The following RRP12 variants were observed in gnomAD, a reference collection of about 807,000 sequenced individuals.
RRP12 encodes the protein ribosomal RNA processing 12 homolog.
A neutral mutation model predicts 157.3 loss-of-function variants in RRP12; 78 were observed. That is an observed-to-expected ratio of 0.50 (90% CI 0.41 to 0.60). The LOEUF (loss-of-function observed/expected upper bound fraction) is 0.60. Among genes scored for constraint, RRP12 ranks in the 20% least tolerant of loss-of-function variants. RRP12 has a pLI of 0.00. For synonymous variants in RRP12, 726 were observed against 670.9 expected (o/e 1.08, Z -1.27); for missense variants, 1,521 against 1,679.9 (o/e 0.91, Z 1.65).
intron 13 of RRP12, 126 bp from the exon 14 acceptor site, chr10:97,379,896 C>T: frequency 2.3e-6 from 2 of 862,962 alleles, no homozygotes; most frequent in Non-Finnish European, 3.3e-6. Flanking sequence ...AGGGTACAGA[C>T]TGAGAACCCA....
At chr10:97,393,628 A>C in intron 4 of RRP12, 56 bp downstream of exon 4, 1 of 1,317,386 alleles carries the variant, frequency 7.6e-7, no homozygotes. Flanking sequence ...TCCTGTCCAC[A>C]TTCCCTTCTC....
chr10:97,399,499 G>C (rs908633614), intron 2 of RRP12, among the ~76,000 whole-genome samples: 1 of 151,748 alleles, frequency 6.6e-6, no homozygotes, highest in Non-Finnish European at 1.5e-5. Flanking sequence ...ATATCATTTA[G>C]AATTTTGACA....
rs754418283 is a variant in RRP12 at position 97,400,292 on chromosome 10, C to G, written c.369+13G>C. 21 of 1,607,810 alleles carry G rather than the reference C, an allele frequency of 1.3e-5. No individual in the cohort carries two copies. Among genetic ancestry groups the G allele is most frequent in the Non-Finnish European group, 1.8e-5 (21 of 1,174,448 alleles). Reference sequence around the variant, plus strand: ...CCTCACTATCCTATGGCCCTCCCGACCCTCGCCCCTACCTCCTTGTGGGCA... The same window carrying G: ...CCTCACTATCCTATGGCCCTCCCGAGCCTCGCCCCTACCTCCTTGTGGGCA... On this transcript the variant is annotated intron_variant, in intron 2 of 33. Transcript: ENST00000370992.
Position 97,370,533 on chromosome 10 carries a change from C to A in RRP12, c.2611G>T (p.Val871Leu). 6.2e-7 allele frequency: 1 copy of A among 1,611,356 alleles called. No individual in the cohort carries two copies. ...GCAAAAGCGTTCTTCCGTGCGCCCACCGACACCTCCTTGGTGCACAGGATC... is the reference window on the plus strand; with the variant it reads ...GCAAAAGCGTTCTTCCGTGCGCCCAACGACACCTCCTTGGTGCACAGGATC... Reference protein sequence around the residue: ...EVILCTKEVSVGARKNAFALL... With the variant: ...EVILCTKEVSLGARKNAFALL... The change falls in exon 23 of 34, where the codon GTG (valine) becomes TTG (leucine). Residue 871 changes from valine (V) to leucine (L), a missense_variant. By Grantham distance (32) the Val-to-Leu change is conservative. Coordinates refer to ENST00000370992, the MANE Select transcript of RRP12 (RefSeq NM_015179.4).
At chr10:97,373,295 A>G in intron 17 of RRP12, 95 bp from the exon 18 acceptor site, 1 of 1,327,850 alleles carries the variant, frequency 7.5e-7, no homozygotes, top group Non-Finnish European at 1.0e-6. Flanking sequence ...CTCTTGGGGG[A>G]GCTGGCAGGA....
intron 25 of RRP12, 70 bp downstream of exon 25, chr10:97,369,355 A>C (rs1465301010): frequency 4.0e-6 from 6 of 1,515,282 alleles, no homozygotes; most frequent in Non-Finnish European, 5.4e-6. Context: ...CTGGCCTCGA[A>C]GCTTGCCAGG....
chr10:97,379,551 C>G, intron 14 of RRP12, 77 bp downstream of exon 14: 8 of 1,595,756 alleles, frequency 5.0e-6, no homozygotes, highest in Non-Finnish European at 6.0e-6. Flanking sequence ...AGACTTTAGC[C>G]CACAGCAGCA....
rs768106956 is a variant in RRP12, at chr10:97,360,659, AT to A, written c.3568-42del. The A allele has an allele frequency of 2.3e-5, 34 of 1,493,472 alleles. No individual in the cohort carries two copies. The African/African-American group carries it at 4.7e-4, about 21-fold the overall frequency. The allele number at this position is 1,493,472 out of a possible 1,614,324, so 92.5% of individuals were successfully genotyped here. A position where few individuals can be genotyped will look rare whatever the true frequency, so the allele number is the denominator to read the frequency against. ...AGGTGGGTAGTGAGTGAACCAGGGG[AT>A]GTGCCCACCCTCGGGAATGCCAACA... is the stretch of plus-strand genomic sequence containing the variant. On this transcript the variant is annotated intron_variant, in intron 30 of 33. Transcript: ENST00000370992.
chr10:97,357,334 C>T (rs1355005204), intron 33 of RRP12, 138 bp from the exon 34 acceptor site: 1 of 588,240 alleles, frequency 1.7e-6, no homozygotes, highest in Non-Finnish European at 3.0e-6. Flanking sequence ...ATGAACTAGG[C>T]AGACCTCACG....
At chr10:97,382,718 G>C (rs923639203) in intron 10 of RRP12, among the ~76,000 whole-genome samples, 1 of 151,740 alleles carries the variant, frequency 6.6e-6, no homozygotes, top group African/African-American at 2.4e-5. Context: ...ATATATCTTG[G>C]AGTTCTTTCC....
intron 33 of RRP12, among the ~76,000 whole-genome samples, chr10:97,358,270 T>C (rs1310818416): frequency 1.3e-5 from 2 of 151,970 alleles, no homozygotes; most frequent in East Asian, 1.9e-4. Context: ...GAGGCAGAGA[T>C]TGCAGTGAGC....
Position 97,396,292 on chromosome 10 carries a change from C to G in RRP12, c.379G>C (p.Val127Leu). Residue 127 changes from valine (V) to leucine (L), a missense_variant, in exon 3 of 34, where the codon GTT becomes CTT. By Grantham distance (32) the Val-to-Leu change is conservative. Coordinates refer to ENST00000370992, the MANE Select transcript of RRP12 (RefSeq NM_015179.4). ...ATCACCTCAGTGACAGCAGCCAGAA[C>G]AGCACAGATCTGCACAGGAGGGAGA... ...NSAAHKEICAVLAAVTEVIRS... is the reference protein window; with the variant it reads ...NSAAHKEICALLAAVTEVIRS... The G allele has an allele frequency of 6.2e-7, 1 of 1,613,610 alleles. No individual in the cohort carries two copies. Among genetic ancestry groups the G allele is most frequent in the East Asian group, 2.2e-5 (1 of 44,872 alleles).
rs755115862 is a variant in RRP12, at chr10:97,366,142, G to A, written c.3483C>T (p.Asp1161=). The change falls in exon 29 of 34, where the codon GAC becomes GAT. Residue 1161 remains aspartate (D), a synonymous_variant. Coordinates refer to ENST00000370992, the MANE Select transcript of RRP12 (RefSeq NM_015179.4). The stretch of plus-strand genomic sequence containing the variant: ...CTTCCTCTTCCTCCATCTTGTTGCC[G>A]TCTGCCTCCTCCCTTATGATCAGCC... ...DGRLIIREEA[D]GNKMEEEEGA... 58 of 1,605,760 alleles carry A rather than the reference G, an allele frequency of 3.6e-5. No homozygotes were observed. In the South Asian group the frequency reaches 4.7e-4, roughly 13 times the overall value.
intron 20 of RRP12, 36 bp downstream of exon 20, chr10:97,372,037 C>T (rs1348729077): frequency 1.2e-5 from 17 of 1,475,780 alleles, no homozygotes; most frequent in African/African-American, 4.1e-5. Context: ...TGCCCCCAAG[C>T]GTGGCTGTGT....
intron 3 of RRP12, among the ~76,000 whole-genome samples, chr10:97,394,900 T>C (rs556018454): frequency 4.5e-4 from 69 of 151,982 alleles, no homozygotes; most frequent in Middle Eastern, 3.4e-3. Context: ...CCCAGCACTT[T>C]GGGAGGCCAA....
chr10:97,392,039 C>T (rs1342045462), intron 4 of RRP12, among the ~76,000 whole-genome samples: 4 of 150,466 alleles, frequency 2.7e-5, no homozygotes, highest in Non-Finnish European at 5.9e-5. Flanking sequence ...GGGTCTCACT[C>T]GTCACCCAAG....
intron 25 of RRP12, 138 bp downstream of exon 25, chr10:97,369,286 TG>T: frequency 1.2e-6 from 1 of 849,430 alleles, no homozygotes; most frequent in Non-Finnish European, 1.8e-6. Context: ...CATTCCCCTA[TG>T]GTCCCTTTTA....
At chr10:97,393,013 G>A (rs548299262) in intron 4 of RRP12, among the ~76,000 whole-genome samples, 13 of 151,922 alleles carry the variant, frequency 8.6e-5, no homozygotes, top group African/African-American at 1.2e-4. Flanking sequence ...GATTACAGGC[G>A]TGAGCCACAG....
intron 15 of RRP12, among the ~76,000 whole-genome samples, chr10:97,376,103 AAAACAAACAAAC>A (rs111643590): frequency 6.6e-6 from 1 of 150,718 alleles, no homozygotes; most frequent in Non-Finnish European, 1.5e-5. Flanking sequence ...ACTCTGTCTC[AAAACAAACAAAC>A]AAACAAACAA....
Sources: allele counts gnomAD v4.1 joint callset (sites outside exome capture counted in the v4.1 genomes callset), GRCh38; gene constraint gnomAD v4.1.1; transcripts MANE v1.5; gene names NCBI Gene and HGNC (gene_info 2026-07-23, HGNC 2026-07-21).